The following SLC30A10 variants were observed in gnomAD, a reference collection of about 807,000 sequenced individuals.
The protein encoded by SLC30A10 is solute carrier family 30 member 10, also known as calcium/manganese antiporter SLC30A10.
SLC30A10 carries 8 observed loss-of-function variants against 21.7 expected under a neutral mutation model. That is an observed-to-expected ratio of 0.37 (90% CI 0.22 to 0.67). The LOEUF (loss-of-function observed/expected upper bound fraction) is 0.67. Ranked by LOEUF, SLC30A10 falls within the 30% of genes least tolerant of loss-of-function variation. SLC30A10 has a pLI of 0.58. For missense variants in SLC30A10, 521 were observed against 642.5 expected (o/e 0.81, Z 2.04); for synonymous variants, 272 against 279.4 (o/e 0.97, Z 0.26).
In SLC30A10 at chr1:219,919,930, T is replaced by C. The variant is rs182307200; in HGVS notation, c.719-1436A>G. 3.3e-5 allele frequency among the ~76,000 whole-genome samples: 5 copies of C among 152,246 alleles called. No homozygotes were observed. The East Asian group carries it at 7.7e-4, about 24-fold the overall frequency. On this transcript the variant is annotated intron_variant, in intron 2 of 3. Transcript: ENST00000366926. Reference sequence around the variant, plus strand: ...CAGTAGAATTAATAATAATCCAAATTACTAACAACTTACTCATGGCTAAGA... The same window carrying C: ...CAGTAGAATTAATAATAATCCAAATCACTAACAACTTACTCATGGCTAAGA...
In SLC30A10 at chr1:219,947,495, T is replaced by C. The variant is rs571839045; in HGVS notation, n.80+11073A>G. Among the ~76,000 whole-genome samples, 5 of 152,254 alleles carry C rather than the reference T, an allele frequency of 3.3e-5. No homozygotes were observed. The East Asian group carries it at 9.7e-4, about 29-fold the overall frequency. ...CTGCTGTGAGCTGTGGTCATGCCAC[T>C]GCACTCTGGCCTGGGTGACAGAGCA... On this transcript the variant is annotated intron_variant and non_coding_transcript_variant, in intron 1 of 8. Transcript: ENST00000484239.
Position 219,928,294 on chromosome 1 carries a change from G to A in SLC30A10, c.147C>T (p.Ile49=), listed in dbSNP as rs557169500. Reference sequence around the variant, plus strand: ...CGGCGCTCAGGCCCACGCACAGCGAGATCAGGTCGGAGAGCATGTTGAAGG... The same window carrying A: ...CGGCGCTCAGGCCCACGCACAGCGAAATCAGGTCGGAGAGCATGTTGAAGG... ...SDSFNMLSDL[I]SLCVGLSAGY... The change falls in exon 1 of 4, where the codon ATC becomes ATT. Residue 49 remains isoleucine (I), a synonymous_variant. Transcript: ENST00000366926. This position sits in a 1 kb window ranked among gnomAD's most constrained non-coding sequence, Gnocchi z 6.3. 6.2e-6 allele frequency: 10 copies of A among 1,607,438 alleles called. No individual in the cohort carries two copies. The highest frequency in any genetic ancestry group is 7.6e-6 in the Non-Finnish European group (9 of 1,177,862).
intron 1 of SLC30A10, among the ~76,000 whole-genome samples, chr1:219,936,661 G>A (rs1660049394): frequency 6.6e-6 from 1 of 152,166 alleles, no homozygotes; most frequent in African/African-American, 2.4e-5. Flanking sequence ...ATGAGGATGT[G>A]ACTTGGAGCC....
At position 219,915,539 on chromosome 1, in the gene SLC30A10, T is replaced by A. The variant is rs1219251566; in HGVS notation, c.1368A>T (p.Glu456Asp). 1.9e-6 allele frequency: 3 copies of A among 1,614,242 alleles called. No homozygotes were observed. Among genetic ancestry groups the A allele is most frequent in the Non-Finnish European group, 2.5e-6 (3 of 1,180,034 alleles). Residue 456 changes from glutamate (E) to aspartate (D), a missense_variant, in exon 4 of 4, where the codon GAA becomes GAT. Coordinates refer to ENST00000366926, the MANE Select transcript of SLC30A10 (RefSeq NM_018713.3). The stretch of plus-strand genomic sequence containing the variant: ...CACTCAGACAGCTATCCAAAGACAC[T>A]TCAATAGCCACTTCTCTTGCGTCTC... Reference protein sequence around the residue: ...SRRDAREVAIEVSLDSCLSDH... With the variant: ...SRRDAREVAIDVSLDSCLSDH...
rs1031605729 is a variant in SLC30A10 at position 219,918,331 on chromosome 1, A to G, written c.882T>C (p.Ser294=). The stretch of plus-strand genomic sequence containing the variant: ...CGGTCTCCTTGATAAGCGGGAAGGC[A>G]GATGACAAAATGATGATGACCATGA... ...TVLMVIIILS[S]AFPLIKETAA... The change falls in exon 3 of 4, where the codon TCT becomes TCC. Residue 294 remains serine (S), a synonymous_variant. Coordinates refer to ENST00000366926, the MANE Select transcript of SLC30A10 (RefSeq NM_018713.3). This position sits in a 1 kb window ranked among gnomAD's most constrained non-coding sequence, Gnocchi z 4.4. 2.5e-6 allele frequency: 4 copies of G among 1,614,182 alleles called. No homozygotes were observed. The highest frequency in any genetic ancestry group is 3.4e-6 in the Non-Finnish European group (4 of 1,180,042).
rs886046004 is a variant in SLC30A10, at chr1:219,928,508, G to A, written c.-68C>T. The A allele has an allele frequency of 1.2e-4, 167 of 1,367,074 alleles. No homozygotes were observed. In the Admixed American group the frequency reaches 2.8e-3, roughly 23 times the overall value. The allele number at this position is 1,367,074 out of a possible 1,614,324, so 84.7% of individuals were successfully genotyped here. A position where few individuals can be genotyped will look rare whatever the true frequency, so the allele number is the denominator to read the frequency against. On this transcript the variant is annotated 5_prime_UTR_variant, in exon 1 of 4. Transcript: ENST00000366926. This position sits in a 1 kb window ranked among gnomAD's most constrained non-coding sequence, Gnocchi z 6.3. ...CAGCCCACCCCGCGCGCAGCCACAG[G>A]TGGGGGGCGCGGCGCGGATCCGTGA...
chr1:219,923,135 G>A (rs186887237), intron 2 of SLC30A10, among the ~76,000 whole-genome samples: 1 of 152,306 alleles, frequency 6.6e-6, no homozygotes, highest in African/African-American at 2.4e-5. Flanking sequence ...GCAGTGTTTA[G>A]ACCATACCCT....
intron 2 of SLC30A10, among the ~76,000 whole-genome samples, chr1:219,920,085 C>G (rs1659642544): frequency 6.6e-6 from 1 of 152,064 alleles, no homozygotes. Context: ...GCAGTTGCCT[C>G]AAATTTTCCC....
intron 1 of SLC30A10, among the ~76,000 whole-genome samples, chr1:219,953,483 C>A (rs1353435361): frequency 6.6e-6 from 1 of 151,668 alleles, no homozygotes; most frequent in East Asian, 2.0e-4. Flanking sequence ...GTAATCCCAC[C>A]TACTCGGGAG....
intron 2 of SLC30A10, among the ~76,000 whole-genome samples, chr1:219,926,556 G>A (rs1659831273): frequency 6.6e-6 from 1 of 152,176 alleles, no homozygotes; most frequent in African/African-American, 2.4e-5. Context: ...TCCTGGGAGT[G>A]GAGGTTTTAG....
At chr1:219,954,852 A>G (rs1158932872) in intron 1 of SLC30A10, among the ~76,000 whole-genome samples, 1 of 152,134 alleles carries the variant, frequency 6.6e-6, no homozygotes, top group Non-Finnish European at 1.5e-5. Context: ...ATAGAGCAGA[A>G]GCCATCCTAC....
At chr1:219,952,842 T>A (rs983358582) in intron 1 of SLC30A10, among the ~76,000 whole-genome samples, 1 of 152,224 alleles carries the variant, frequency 6.6e-6, no homozygotes, top group Non-Finnish European at 1.5e-5. Flanking sequence ...ACTTCTTTTT[T>A]CTTCAGTTGA....
intron 1 of SLC30A10, among the ~76,000 whole-genome samples, 158 bp downstream of exon 1, chr1:219,927,637 TTAAAAA>T (rs1558254121): frequency 2.8e-5 from 1 of 35,350 alleles, no homozygotes. Flanking sequence ...AATGGATTTA[TTAAAAA>T]AAAAAAAAAA....
intron 1 of SLC30A10, among the ~76,000 whole-genome samples, chr1:219,938,438 C>G (rs1373017477): frequency 6.6e-6 from 1 of 152,190 alleles, no homozygotes; most frequent in Non-Finnish European, 1.5e-5. Context: ...AAGAGTGCAG[C>G]ATGCTCAGCT....
At position 219,911,155 on chromosome 1, in the gene SLC30A10, T is replaced by TG. The variant is rs1179225441; in HGVS notation, c.*4293_*4294insC. The stretch of plus-strand genomic sequence containing the variant: ...CTTCATTTTTTCTACATCAGTTTTT[T>TG]TTTTTTTTTTTTTTTTTTTGCAGTC... On this transcript the variant is annotated 3_prime_UTR_variant, in exon 4 of 4. Transcript: ENST00000366926. Among the ~76,000 whole-genome samples the TG allele has an allele frequency of 9.3e-6, 1 of 107,486 alleles. No individual in the cohort carries two copies. Among genetic ancestry groups the TG allele is most frequent in the Non-Finnish European group, 1.8e-5 (1 of 56,608 alleles). The allele number at this position is 107,486 out of a possible 152,430, so 70.5% of individuals were successfully genotyped here. A position where few individuals can be genotyped will look rare whatever the true frequency, so the allele number is the denominator to read the frequency against.
At chr1:219,937,565 A>G (rs1660062785) in intron 1 of SLC30A10, among the ~76,000 whole-genome samples, 1 of 152,240 alleles carries the variant, frequency 6.6e-6, no homozygotes, top group Non-Finnish European at 1.5e-5. Context: ...CTGTAATCCC[A>G]ACATTTTGGG....
Position 219,918,513 on chromosome 1 carries a change from A to C in SLC30A10, c.719-19T>G. The C allele has an allele frequency of 6.4e-7, 1 of 1,557,472 alleles. No homozygotes were observed. The highest frequency in any genetic ancestry group is 8.7e-7 in the Non-Finnish European group (1 of 1,150,536). On this transcript the variant is annotated intron_variant, in intron 2 of 3. Transcript: ENST00000366926. The surrounding 1 kb of genome is among the most constrained non-coding windows in gnomAD (Gnocchi z 4.4). ...AGTACACCTGCCAGGAAGAAAGACT[A>C]CTGCAGCACAGATGCAAATCTGGAA...
In SLC30A10 at chr1:219,951,874, T is replaced by A. The variant is rs368014207; in HGVS notation, n.80+6694A>T. Among the ~76,000 whole-genome samples the A allele has an allele frequency of 4.6e-5, 7 of 152,276 alleles. 1 individual carries two copies. Among genetic ancestry groups the A allele is most frequent in the African/African-American group, 1.7e-4 (7 of 41,546 alleles). ...TCTTGGCCTCCCAAAGTGCTGGGAT[T>A]ACAGGCATGAACATTGTGCCCAGCT... On this transcript the variant is annotated intron_variant and non_coding_transcript_variant, in intron 1 of 8. Transcript: ENST00000484239.
chr1:219,948,610 T>C (rs1218481339), intron 1 of SLC30A10, among the ~76,000 whole-genome samples: 1 of 152,128 alleles, frequency 6.6e-6, no homozygotes, highest in East Asian at 1.9e-4. Context: ...CAAAAATTAA[T>C]TCAAGATGGA....
Sources: gnomAD v4.1 joint callset for allele counts (sites outside exome capture counted in the v4.1 genomes callset) on GRCh38, gnomAD v4.1.1 for gene constraint, Gnocchi (gnomAD v3.1) non-coding constraint, MANE v1.5 for transcripts, NCBI Gene and HGNC (gene_info 2026-07-23, HGNC 2026-07-21) for gene names.